PDE4D: variants seen among roughly 807,000 people sequenced by gnomAD.
The protein encoded by PDE4D is 3',5'-cyclic-AMP phosphodiesterase 4D.
PDE4D carries 24 observed loss-of-function variants against 87.4 expected under a neutral mutation model. The ratio of observed to expected loss-of-function variants is 0.27; its 90% confidence interval spans 0.20 to 0.39. The LOEUF (loss-of-function observed/expected upper bound fraction) is 0.39, where lower values mean the gene tolerates loss of function less well. Among genes scored for constraint, PDE4D ranks in the 10% least tolerant of loss-of-function variants. PDE4D has a pLI of 1.00. For synonymous variants in PDE4D, 384 were observed against 383.2 expected, an observed-to-expected ratio of 1.00 and a Z score of -0.02; for missense variants, 714 against 1,041.0, an observed-to-expected ratio of 0.69 and a Z score of 4.32.
chr5:59,070,873 G>C (rs1462927250), intron 5 of PDE4D, among the ~76,000 whole-genome samples: 1 of 152,090 alleles, frequency 6.6e-6, no homozygotes, highest in Non-Finnish European at 1.5e-5. Context: ...ACCTGGATTG[G>C]TTATTCTCCA....
chr5:59,453,602 A>G (rs903352875), intron 1 of PDE4D, among the ~76,000 whole-genome samples: 1 of 152,224 alleles, frequency 6.6e-6, no homozygotes, highest in East Asian at 1.9e-4. Flanking sequence ...CAGCCACAAC[A>G]TTCCCTTAAG....
intron 1 of PDE4D, among the ~76,000 whole-genome samples, chr5:60,362,725 G>A (rs955710444): frequency 1.3e-5 from 2 of 152,102 alleles, no homozygotes; most frequent in Admixed American, 6.5e-5. Flanking sequence ...CAGGTATGGC[G>A]GCAGGCATTT....
intron 1 of PDE4D, among the ~76,000 whole-genome samples, chr5:59,592,319 G>A (rs1043751485): frequency 1.3e-5 from 2 of 152,108 alleles, no homozygotes; most frequent in African/African-American, 2.4e-5. Flanking sequence ...ACTGAAATAC[G>A]AGAAGCCTTT....
intron 1 of PDE4D, among the ~76,000 whole-genome samples, chr5:60,226,853 A>C (rs1745173483): frequency 6.6e-6 from 1 of 151,818 alleles, no homozygotes; most frequent in Admixed American, 6.6e-5. Flanking sequence ...ACACACACAC[A>C]CACCACCTGG....
At chr5:60,406,696 T>A (rs1256277400) in intron 1 of PDE4D, among the ~76,000 whole-genome samples, 1 of 152,208 alleles carries the variant, frequency 6.6e-6, no homozygotes, top group Admixed American at 6.5e-5. Context: ...TTTATTTTAT[T>A]CCAGGCTGCC....
intron 1 of PDE4D, among the ~76,000 whole-genome samples, chr5:59,798,628 A>C (rs1447543985): frequency 6.6e-6 from 1 of 152,248 alleles, no homozygotes; most frequent in Non-Finnish European, 1.5e-5. Flanking sequence ...AACACCTTCC[A>C]TATAGAAATC....
intron 1 of PDE4D, among the ~76,000 whole-genome samples, chr5:59,569,510 T>A (rs1047535699): frequency 6.6e-6 from 1 of 152,200 alleles, no homozygotes; most frequent in Non-Finnish European, 1.5e-5. Flanking sequence ...CATCTACTTA[T>A]GATTTTTTAT....
Position 59,516,386 on chromosome 5 carries a change from A to T in PDE4D, c.456-300418T>A, listed in dbSNP as rs1424124172. Among the ~76,000 whole-genome samples, 3 of 152,066 alleles carry T rather than the reference A, an allele frequency of 2.0e-5. No homozygotes were observed. In the East Asian group the frequency reaches 5.8e-4, roughly 29 times the overall value. ...ACACCACACCATCACCACTCCACCA[A>T]TTCTGGAGGGATATGATTTTCAAAG... is the stretch of plus-strand genomic sequence containing the variant. On this transcript the variant is annotated intron_variant, in intron 1 of 14. Transcript: ENST00000340635.
intron 1 of PDE4D, among the ~76,000 whole-genome samples, chr5:60,505,313 C>G (rs942342565): frequency 2.6e-5 from 4 of 152,210 alleles, no homozygotes; most frequent in Admixed American, 6.5e-5. Context: ...TGTTTCCAAT[C>G]AGGCAAATTT....
At chr5:59,298,811 T>A (rs530229640) in intron 1 of PDE4D, among the ~76,000 whole-genome samples, 2 of 152,218 alleles carry the variant, frequency 1.3e-5, no homozygotes, top group Non-Finnish European at 2.9e-5. Context: ...TGGAAGCTCC[T>A]ATTTCAAATG....
chr5:59,061,451 AAG>A (rs1268164259), intron 5 of PDE4D, among the ~76,000 whole-genome samples: 3 of 152,152 alleles, frequency 2.0e-5, no homozygotes, highest in African/African-American at 7.2e-5. Flanking sequence ...TGAATAAACG[AAG>A]AGTTTGCCTG....
At chr5:59,754,065 C>T (rs189877451) in intron 1 of PDE4D, among the ~76,000 whole-genome samples, 1 of 152,188 alleles carries the variant, frequency 6.6e-6, no homozygotes, top group Non-Finnish European at 1.5e-5. Context: ...TACAGTGGCT[C>T]ATGCCTGTAA....
At chr5:60,419,113 A>G (rs1428623851) in intron 1 of PDE4D, among the ~76,000 whole-genome samples, 1 of 152,178 alleles carries the variant, frequency 6.6e-6, no homozygotes, top group African/African-American at 2.4e-5. Context: ...ATGTGCATAC[A>G]TTTTCAGGTA....
chr5:59,531,223 C>T (rs1413667818), intron 1 of PDE4D, among the ~76,000 whole-genome samples: 1 of 152,096 alleles, frequency 6.6e-6, no homozygotes, highest in African/African-American at 2.4e-5. Flanking sequence ...TGATCATTGT[C>T]CTAGTCTCAG....
At chr5:59,549,161 T>G (rs1561182427) in intron 1 of PDE4D, among the ~76,000 whole-genome samples, 1 of 152,140 alleles carries the variant, frequency 6.6e-6, no homozygotes, top group African/African-American at 2.4e-5. Flanking sequence ...CTCTTGGAAG[T>G]TCATGACGTC....
intron 5 of PDE4D, among the ~76,000 whole-genome samples, chr5:59,116,403 C>A (rs1279458506): frequency 6.6e-6 from 1 of 152,078 alleles, no homozygotes; most frequent in Non-Finnish European, 1.5e-5. Flanking sequence ...ACAGCTCAGA[C>A]CTGCAGAGAC....
intron 2 of PDE4D, among the ~76,000 whole-genome samples, chr5:60,102,252 T>C (rs115060155): frequency 0.011 from 1,619 of 152,272 alleles, 39 homozygotes; most frequent in African/African-American, 0.037. Flanking sequence ...TTTTTTGCTT[T>C]TTTTTAGTTT....
chr5:60,109,693 GA>G (rs1175022438), intron 2 of PDE4D, among the ~76,000 whole-genome samples: 1 of 152,192 alleles, frequency 6.6e-6, no homozygotes, highest in African/African-American at 2.4e-5. Flanking sequence ...AAAAAATGAT[GA>G]GTTCACGTCC....
At chr5:59,342,123 T>C (rs893424010) in intron 1 of PDE4D, among the ~76,000 whole-genome samples, 1 of 152,190 alleles carries the variant, frequency 6.6e-6, no homozygotes, top group South Asian at 2.1e-4. Flanking sequence ...TCTAACACTC[T>C]CTTTTTAGAT....
Sources: allele counts gnomAD v4.1 joint callset (sites outside exome capture counted in the v4.1 genomes callset), GRCh38; gene constraint gnomAD v4.1.1; transcripts MANE v1.5; gene names NCBI Gene and HGNC (gene_info 2026-07-23, HGNC 2026-07-21).